The following ZBTB4 variants were observed in gnomAD, a reference collection of about 807,000 sequenced individuals.
ZBTB4 encodes zinc finger and BTB domain-containing protein 4.
A neutral mutation model predicts 59.8 loss-of-function variants in ZBTB4; 14 were observed. The ratio of observed to expected loss-of-function variants is 0.23; its 90% CI spans 0.15 to 0.37. The LOEUF (loss-of-function observed/expected upper bound fraction) is 0.37. ZBTB4 is among the 10% of genes least tolerant of loss of function. The pLI, the probability that ZBTB4 is intolerant of heterozygous loss-of-function variation, is 1.00. For missense variants in ZBTB4, 1,198 were observed against 1,380.8 expected (o/e 0.87, Z 2.10); for synonymous variants, 587 against 575.2 (o/e 1.02, Z -0.29).
At chr17:7,479,379 G>A (rs991587047) in intron 1 of ZBTB4, 77 bp downstream of exon 1, 3 of 152,818 alleles carry the variant, frequency 2.0e-5, no homozygotes, top group African/African-American at 7.3e-5. Flanking sequence ...GGCTCCCGCA[G>A]CGCCGGGCAG....
At chr17:7,480,736 CAAA>C (rs1036957906), upstream of ZBTB4, among the ~76,000 whole-genome samples, 1 of 151,236 alleles carries the variant, frequency 6.6e-6, no homozygotes, top group African/African-American at 2.4e-5. Context: ...AAAACAACAA[CAAA>C]AAAACCTCTC....
upstream of ZBTB4, chr17:7,481,372 G>T (rs1027202222): frequency 1.7e-5 from 20 of 1,210,984 alleles, no homozygotes; most frequent in African/African-American, 2.5e-4. Flanking sequence ...AGCAGAGTTG[G>T]ACTCAGCGGG....
upstream of ZBTB4, chr17:7,481,379 C>A (rs191924894): frequency 3.2e-6 from 4 of 1,251,732 alleles, no homozygotes; most frequent in African/African-American, 6.3e-5. Context: ...TTGGACTCAG[C>A]GGGAAAATAG....
In ZBTB4 at chr17:7,463,494, C is replaced by T. The variant is rs1352781796; in HGVS notation, c.1488G>A (p.Thr496=). The change falls in exon 4 of 4, where the codon ACG becomes ACA. Residue 496 remains threonine, a synonymous_variant. Transcript: ENST00000380599. ...CAGCTTGGGACCCTCCTGTGCTGGC[C>T]GTCCCACTCCCCCCTCCACCACTGC... ...GSSSGGGGSG[T]ASTGGSQAAS... 13 of 1,545,842 alleles carry T rather than the reference C, an allele frequency of 8.4e-6. No individual in the cohort carries two copies. In the Admixed American group the frequency reaches 1.4e-4, roughly 17 times the overall value.
At chr17:7,474,838 C>T (rs1004218314) in intron 1 of ZBTB4, among the ~76,000 whole-genome samples, 1 of 150,078 alleles carries the variant, frequency 6.7e-6, no homozygotes, top group South Asian at 2.1e-4. Flanking sequence ...ATGATGAAAC[C>T]CCATCTGTAC....
chr17:7,483,394 C>G (rs2150871447), upstream of ZBTB4: 1 of 287,768 alleles, frequency 3.5e-6, no homozygotes, highest in African/African-American at 2.2e-5. Context: ...GCGTGCCTCC[C>G]CACCCCTCCC....
rs1198301452 is a variant in ZBTB4 at position 7,461,938 on chromosome 17, G to T, written c.*2C>A. On this transcript the variant is annotated 3_prime_UTR_variant, in exon 4 of 4. Coordinates refer to ENST00000380599, the MANE Select transcript of ZBTB4 (RefSeq NM_001128833.2). ...GGTGAAAGGGGGATTGAGCCCCAGG[G>T]TTCACCCCACATCGCCCTTCTGGGT... The T allele has an allele frequency of 2.0e-6, 3 of 1,535,638 alleles. No homozygotes were observed. Among genetic ancestry groups the T allele is most frequent in the Non-Finnish European group, 2.6e-6 (3 of 1,139,570 alleles).
chr17:7,472,968 G>A (rs1017106649), intron 1 of ZBTB4, among the ~76,000 whole-genome samples: 11 of 147,818 alleles, frequency 7.4e-5, no homozygotes, highest in African/African-American at 2.5e-4. Flanking sequence ...TTTTTTTTGC[G>A]GCGGGGGACA....
chr17:7,463,787 T>G lies in ZBTB4; in HGVS notation c.1195A>C (p.Lys399Gln). 1 of 1,614,116 alleles carries G rather than the reference T, an allele frequency of 6.2e-7. No individual in the cohort carries two copies. Among genetic ancestry groups the G allele is most frequent in the East Asian group, 2.2e-5 (1 of 44,886 alleles). Reference protein sequence around the residue: ...GISPGLLASEKTPNGGYKPKL... With the variant: ...GISPGLLASEQTPNGGYKPKL... ...GGCTTGTAGCCTCCATTGGGTGTCTTCTCACTGGCAAGGAGGCCCGGGCTA... is the reference window on the plus strand; with the variant it reads ...GGCTTGTAGCCTCCATTGGGTGTCTGCTCACTGGCAAGGAGGCCCGGGCTA... Residue 399 changes from lysine (K) to glutamine (Q), a missense_variant, in exon 4 of 4, where the codon AAG becomes CAG. Physicochemically the swap from Lys to Gln is moderately conservative, Grantham distance 53. This residue lies in a region of ZBTB4 where 60 missense variants were observed against 93.0 expected (regional missense o/e 0.64). Transcript: ENST00000380599.
upstream of ZBTB4, chr17:7,481,205 T>G: frequency 4.5e-6 from 1 of 224,380 alleles, no homozygotes; most frequent in South Asian, 1.7e-4. Flanking sequence ...TGGCACATTC[T>G]TGTAATCCCA....
upstream of ZBTB4, chr17:7,482,800 T>C (rs979729166): frequency 1.2e-6 from 2 of 1,611,916 alleles, no homozygotes; most frequent in African/African-American, 2.7e-5. Flanking sequence ...GTGTGAGCTA[T>C]GCGGTCACCA....
intron 1 of ZBTB4, among the ~76,000 whole-genome samples, chr17:7,478,216 G>C (rs1219633891): frequency 6.6e-6 from 1 of 152,090 alleles, no homozygotes; most frequent in Non-Finnish European, 1.5e-5. Flanking sequence ...CGTCACAAAA[G>C]AATCCTGTGG....
At chr17:7,468,106 C>G (rs1259553137) in intron 1 of ZBTB4, among the ~76,000 whole-genome samples, 1 of 152,246 alleles carries the variant, frequency 6.6e-6, no homozygotes, top group Non-Finnish European at 1.5e-5. Context: ...CGCGGGGGCT[C>G]ACGCCCGTAA....
chr17:7,463,409 G>C lies in ZBTB4; in HGVS notation c.1573C>G (p.Pro525Ala). 6.3e-7 allele frequency: 1 copy of C among 1,581,496 alleles called. No homozygotes were observed. The highest frequency in any genetic ancestry group is 8.6e-7 in the Non-Finnish European group (1 of 1,164,352). ...GGTGTGGCTGCAGGCTCAGGGGGAG[G>C]AGGTGGGTATTCTCGTTTCTTGGGT... ...RPPKKREYPP[P>A]PPEPAATPTS... is the part of the protein sequence containing the mutation. Residue 525 changes from proline to alanine, a missense_variant, in exon 4 of 4, where the codon CCT (proline) becomes GCT (alanine). By Grantham distance (27) the Pro-to-Ala change is conservative. Around this residue, in one of 9 missense-constraint regions of ZBTB4, gnomAD observed 550 missense variants for 541.8 expected, o/e 1.02. Transcript: ENST00000380599.
At chr17:7,476,093 A>G (rs1382720852) in intron 1 of ZBTB4, among the ~76,000 whole-genome samples, 3 of 152,112 alleles carry the variant, frequency 2.0e-5, no homozygotes, top group Admixed American at 6.5e-5. Flanking sequence ...GGTCCTTGTT[A>G]ACACTCACGT....
At chr17:7,467,490 G>A (rs2070144639) in intron 1 of ZBTB4, among the ~76,000 whole-genome samples, 163 bp from the exon 2 acceptor site, 1 of 152,200 alleles carries the variant, frequency 6.6e-6, no homozygotes, top group South Asian at 2.1e-4. Flanking sequence ...CGGAGCCTCT[G>A]CCAGGTTATT....
In ZBTB4 at chr17:7,463,093, C is replaced by T. The variant is rs757352908; in HGVS notation, c.1889G>A (p.Gly630Glu). 1.6e-5 allele frequency: 26 copies of T among 1,610,524 alleles called. No homozygotes were observed. In the Admixed American group the frequency reaches 2.0e-4, roughly 12 times the overall value. ...CTCCTCACTCTCCTCCATCTCCTCT[C>T]CGCTCAGCTCCCCAGGACGCAGGTC... is the stretch of plus-strand genomic sequence containing the variant. ...ETDLRPGELS[G>E]EEMEESEEDE... Residue 630 changes from glycine (G) to glutamate (E), a missense_variant, in exon 4 of 4, where the codon GGA (glycine) becomes GAA (glutamate). By Grantham distance (98) the Gly-to-Glu change is moderately conservative (BLOSUM62 -2). Coordinates refer to ENST00000380599, the MANE Select transcript of ZBTB4 (RefSeq NM_001128833.2).
rs115990086 is a variant in ZBTB4, at chr17:7,461,584, C to T, written c.*356G>A. On this transcript the variant is annotated 3_prime_UTR_variant, in exon 4 of 4. Transcript: ENST00000380599. ...AGAGAGATGGTTTCCCCTAGGTTTACGAATCAGGGGAGCAGGTTAGACATT... is the reference window on the plus strand; with the variant it reads ...AGAGAGATGGTTTCCCCTAGGTTTATGAATCAGGGGAGCAGGTTAGACATT... The T allele has an allele frequency of 1.1e-3, 218 of 196,876 alleles. No homozygotes were observed. The highest frequency in any genetic ancestry group is 4.7e-3 in the African/African-American group (201 of 42,840). 12.2% of individuals were successfully genotyped at this position (196,876 alleles called of 1,614,324 possible). A position where few individuals can be genotyped will look rare whatever the true frequency, so the allele number is the denominator to read the frequency against.
upstream of ZBTB4, among the ~76,000 whole-genome samples, chr17:7,480,104 C>T (rs556285388): frequency 6.6e-6 from 1 of 152,166 alleles, no homozygotes. Context: ...CGCAGGAAAG[C>T]TCAGCAGGCC....
Sources: allele counts gnomAD v4.1 joint callset (sites outside exome capture counted in the v4.1 genomes callset), GRCh38; gene constraint gnomAD v4.1.1; regional missense constraint gnomAD v4.1.1; transcripts MANE v1.5; gene names NCBI Gene and HGNC (gene_info 2026-07-23, HGNC 2026-07-21).